Variants in GAB3 observed in about 807,000 individuals in gnomAD.
The protein encoded by GAB3 is GRB2 associated binding protein 3, also known as GRB2-associated-binding protein 3.
GAB3 carries 12 observed loss-of-function variants against 40.4 expected under a neutral mutation model. That is an observed-to-expected ratio of 0.30 (90% CI 0.19 to 0.48). The LOEUF (loss-of-function observed/expected upper bound fraction) is 0.48. Among genes scored for constraint, GAB3 ranks in the 20% least tolerant of loss-of-function variants. GAB3 has a pLI of 0.99. For synonymous variants in GAB3, 154 were observed against 176.7 expected, an observed-to-expected ratio of 0.87 and a Z score of 1.02; for missense variants, 381 against 461.9, an observed-to-expected ratio of 0.82 and a Z score of 1.61.
intron 8 of GAB3, among the ~76,000 whole-genome samples, chrX:154,689,928 T>C (rs1490125250): frequency 4.7e-5 from 5 of 106,567 alleles, no homozygotes; most frequent in East Asian, 3.0e-4. Flanking sequence ...TTAAAGTTCA[T>C]ATGGAACCAA....
intron 1 of GAB3, among the ~76,000 whole-genome samples, chrX:154,730,377 C>T (rs140456044): frequency 0.026 from 2,861 of 111,939 alleles, 95 homozygotes; most frequent in African/African-American, 0.087. Context: ...ATTCTAGTTA[C>T]TGTTTAGAAA....
At position 154,678,164 on chromosome X, in the gene GAB3, C is replaced by T. The variant is rs1557246017; in HGVS notation, c.*14G>A. 2.1e-6 allele frequency: 2 copies of T among 951,255 alleles called. No individual in the cohort carries two copies. Among genetic ancestry groups the T allele is most frequent in the East Asian group, 3.1e-5 (1 of 31,857 alleles). The allele number at this position is 951,255 out of a possible 1,213,427, so 78.4% of individuals were successfully genotyped here. A position where few individuals can be genotyped will look rare whatever the true frequency, so the allele number is the denominator to read the frequency against. ...AAGCTTCCCTGTTTCACACATGGCA[C>T]AAGCCCGCACCTCTCATACTTTGGA... is the stretch of plus-strand genomic sequence containing the variant. On this transcript the variant is annotated 3_prime_UTR_variant, in exon 10 of 10. Coordinates refer to ENST00000424127, the MANE Select transcript of GAB3 (RefSeq NM_001081573.3).
Position 154,713,355 on chromosome X carries a change from C to T in GAB3, c.448G>A (p.Ala150Thr), listed in dbSNP as rs374214887. 12 of 1,209,816 alleles carry T rather than the reference C, an allele frequency of 9.9e-6. No individual in the cohort carries two copies. Among genetic ancestry groups the T allele is most frequent in the Middle Eastern group, 2.6e-4 (1 of 3,825 alleles). ...GGCAAAGAGGAGCTGGCAGCATGGG[C>T]GGTAAGAAGGGAGCTGGCAGAGGAT... ...QPSSASSLLT[A>T]HAASSSLPRD... Residue 150 changes from alanine (A) to threonine (T), a missense_variant, in exon 3 of 10, where the codon GCC becomes ACC. By Grantham distance (58) the Ala-to-Thr change is moderately conservative. Coordinates refer to ENST00000424127, the MANE Select transcript of GAB3 (RefSeq NM_001081573.3).
chrX:154,699,411 A>G lies in GAB3; in HGVS notation c.1228T>C (p.Cys410Arg), dbSNP rs1569557386. The G allele has an allele frequency of 1.7e-6, 2 of 1,208,781 alleles. No homozygotes were observed. Among genetic ancestry groups the G allele is most frequent in the Non-Finnish European group, 2.2e-6 (2 of 894,268 alleles). Residue 410 changes from cysteine (C) to arginine (R), a missense_variant, in exon 6 of 10, where the codon TGC (cysteine) becomes CGC (arginine). Cys to Arg is a radical substitution (Grantham distance 180). This residue lies in a region of GAB3 where 364 missense variants were observed against 421.0 expected (regional missense o/e 0.86). Coordinates refer to ENST00000424127, the MANE Select transcript of GAB3 (RefSeq NM_001081573.3). The stretch of plus-strand genomic sequence containing the variant: ...ATTGGAATGTAGTCATCAGGGCTGC[A>G]GTGGGGTCCAAGACCAGAGGCACCA... ...QAGASGLGPHCSPDDYIPMNS... is the reference protein window; with the variant it reads ...QAGASGLGPHRSPDDYIPMNS...
chrX:154,698,371 AC>A (rs1418053207), intron 6 of GAB3, among the ~76,000 whole-genome samples: 1 of 112,153 alleles, frequency 8.9e-6, no homozygotes, highest in Non-Finnish European at 1.9e-5. Flanking sequence ...CCCAGTGCCC[AC>A]CACAGCAATA....
chrX:154,708,314 G>A (rs926710491), intron 4 of GAB3, among the ~76,000 whole-genome samples: 57 of 112,238 alleles, frequency 5.1e-4, no homozygotes, highest in African/African-American at 1.8e-3. Context: ...CATTGGTATT[G>A]ATTGACAATG....
chrX:154,751,110 C>G, upstream of GAB3: 5 of 739,562 alleles, frequency 6.8e-6, no homozygotes, highest in Non-Finnish European at 8.0e-6. Context: ...CGGGGCGGGC[C>G]CAGCGCCCGC....
chrX:154,746,052 CAAAAAAAA>C (rs201582710), intron 1 of GAB3, among the ~76,000 whole-genome samples: 1 of 31,543 alleles, frequency 3.2e-5, no homozygotes, highest in Admixed American at 3.9e-4. Context: ...AACTCCATCT[CAAAAAAAA>C]AAAAAAAAAA....
chrX:154,713,429 G>A lies in GAB3; in HGVS notation c.377-3C>T. On this transcript the variant is annotated splice_polypyrimidine_tract_variant and splice_region_variant and intron_variant, in intron 2 of 9. Coordinates refer to ENST00000424127, the MANE Select transcript of GAB3 (RefSeq NM_001081573.3). ...AGAGAGGCTCTCCATGGAATCTGCT[G>A]GAGAAATCATTTCCCAGGTTAATGT... 3 of 1,194,341 alleles carry A rather than the reference G, an allele frequency of 2.5e-6. No homozygotes were observed. The highest frequency in any genetic ancestry group is 3.4e-6 in the Non-Finnish European group (3 of 883,025).
At chrX:154,704,182 A>AATC (rs1340931399) in intron 4 of GAB3, among the ~76,000 whole-genome samples, 1 of 109,863 alleles carries the variant, frequency 9.1e-6, no homozygotes, top group Non-Finnish European at 1.9e-5. Context: ...TTATTTGTGG[A>AATC]ATCTAAAAAT....
chrX:154,688,698 A>G (rs1250915691), intron 8 of GAB3, among the ~76,000 whole-genome samples: 1 of 112,274 alleles, frequency 8.9e-6, no homozygotes, highest in South Asian at 3.7e-4. Context: ...CAAAGAAAAT[A>G]TATGGATGGC....
At chrX:154,716,430 C>T in intron 1 of GAB3, 101 bp from the exon 2 acceptor site, 1 of 746,545 alleles carries the variant, frequency 1.3e-6, no homozygotes. Context: ...AGGAAGGAAA[C>T]AAATCAGCCA....
intron 1 of GAB3, among the ~76,000 whole-genome samples, chrX:154,720,247 A>G (rs782667069): frequency 2.7e-4 from 30 of 111,417 alleles, no homozygotes; most frequent in Admixed American, 4.7e-4. Context: ...GTGTAAGTAC[A>G]CCCTGTGATG....
chrX:154,685,275 T>C (rs898575241), intron 8 of GAB3, among the ~76,000 whole-genome samples: 6 of 111,615 alleles, frequency 5.4e-5, no homozygotes, highest in African/African-American at 2.0e-4. Context: ...CCATATTTGA[T>C]TCTATTGTTT....
chrX:154,702,394 C>T (rs1211420836), intron 4 of GAB3, among the ~76,000 whole-genome samples: 2 of 112,237 alleles, frequency 1.8e-5, no homozygotes, highest in African/African-American at 3.2e-5. Context: ...TCTAAGACAT[C>T]GAACTATAAA....
intron 1 of GAB3, among the ~76,000 whole-genome samples, chrX:154,746,410 A>G (rs1252167327): frequency 8.9e-6 from 1 of 112,275 alleles, no homozygotes; most frequent in East Asian, 2.8e-4. Flanking sequence ...TTATCCCATA[A>G]GTTCGAGGTT....
At chrX:154,709,322 GTTT>G (rs56133586) in intron 4 of GAB3, among the ~76,000 whole-genome samples, 3 of 85,091 alleles carry the variant, frequency 3.5e-5, no homozygotes, top group Non-Finnish European at 4.8e-5. Context: ...GTCTCCGGCA[GTTT>G]TTTTTTTTTT....
At chrX:154,686,606 A>AT (rs2070453781) in intron 8 of GAB3, among the ~76,000 whole-genome samples, 1 of 106,947 alleles carries the variant, frequency 9.4e-6, no homozygotes, top group African/African-American at 3.4e-5. Flanking sequence ...TTTTAATAAC[A>AT]TTTTTGTAGA....
intron 4 of GAB3, among the ~76,000 whole-genome samples, chrX:154,700,898 G>A (rs181100188): frequency 9.0e-6 from 1 of 111,101 alleles, no homozygotes; most frequent in Admixed American, 9.6e-5. Context: ...CTTAAAATTC[G>A]ACAACATCTT....
Sources: allele counts gnomAD v4.1 joint callset (sites outside exome capture counted in the v4.1 genomes callset), GRCh38; gene constraint gnomAD v4.1.1; regional missense constraint gnomAD v4.1.1; transcripts MANE v1.5; gene names NCBI Gene and HGNC (gene_info 2026-07-23, HGNC 2026-07-21).